ATAD2: variants seen among roughly 807,000 people sequenced by gnomAD.
ATAD2 encodes the protein ATPase family AAA domain-containing protein 2.
ATAD2 carries 62 observed loss-of-function variants against 168.9 expected under a neutral mutation model. That is an observed-to-expected ratio of 0.37 (90% CI 0.30 to 0.45). The LOEUF is 0.45. Ranked by LOEUF, ATAD2 falls within the 20% of genes least tolerant of loss-of-function variation. ATAD2 has a pLI of 1.00. For synonymous variants in ATAD2, 613 were observed against 571.6 expected (o/e 1.07, Z -1.03); for missense variants, 1,419 against 1,667.8 (o/e 0.85, Z 2.60).
intron 1 of ATAD2, among the ~76,000 whole-genome samples, chr8:123,413,229 C>A (rs919414411): frequency 7.4e-5 from 11 of 147,652 alleles, no homozygotes; most frequent in East Asian, 4.1e-4. Context: ...TGAGCGCCCC[C>A]CCCCCCCCAA....
intron 13 of ATAD2, among the ~76,000 whole-genome samples, chr8:123,355,215 T>A (rs1179362629): frequency 1.3e-5 from 2 of 152,160 alleles, no homozygotes; most frequent in African/African-American, 4.8e-5. Context: ...GCCATTAGAA[T>A]ATAGCAAATC....
At chr8:123,329,978 CTTCTTTTTT>C (rs1371790436) in intron 24 of ATAD2, among the ~76,000 whole-genome samples, 5 of 93,376 alleles carry the variant, frequency 5.4e-5, no homozygotes, top group Non-Finnish European at 7.8e-5. Flanking sequence ...TCCCCAGTGG[CTTCTTTTTT>C]TTTTTTTTTT....
intron 20 of ATAD2, 147 bp downstream of exon 20, chr8:123,339,164 G>GA: frequency 2.9e-6 from 2 of 691,042 alleles, no homozygotes; most frequent in South Asian, 4.6e-5. Flanking sequence ...GTTTTAATGG[G>GA]AAGCATAGAG....
At chr8:123,333,540 G>A (rs1827836632) in intron 24 of ATAD2, among the ~76,000 whole-genome samples, 1 of 152,024 alleles carries the variant, frequency 6.6e-6, no homozygotes, top group African/African-American at 2.4e-5. Flanking sequence ...ATTGGAATTA[G>A]AAGTCTGCCA....
intron 1 of ATAD2, chr8:123,401,768 T>TTC (rs1318662604): frequency 4.0e-6 from 3 of 749,478 alleles, no homozygotes; most frequent in East Asian, 4.9e-5. Context: ...CAGCGAATAG[T>TTC]TCTCAGATGG....
intron 24 of ATAD2, among the ~76,000 whole-genome samples, chr8:123,333,231 C>CAAAAAAAAAAAAAAAAAA: frequency 2.3e-5 from 1 of 43,992 alleles, no homozygotes; most frequent in Non-Finnish European, 3.7e-5. Context: ...TCTAAAAATA[C>CAAAAAAAAAAAAAAAAAA]AAAAAAAAAA....
In ATAD2 at chr8:123,328,414, G is replaced by T. The variant is rs1407773322; in HGVS notation, c.3644C>A (p.Thr1215Asn). 3.9e-6 allele frequency: 6 copies of T among 1,538,984 alleles called. No individual in the cohort carries two copies. In the South Asian group the frequency reaches 5.1e-5, roughly 13 times the overall value. ...TQDTSVDHNE[T>N]GNTGESSVEE... is the part of the protein sequence containing the mutation. Reference sequence around the variant, plus strand: ...CACCGAAGACTCTCCTGTGTTTCCGGTCTCATTATGATCTACACTTGTGTC... The same window carrying T: ...CACCGAAGACTCTCCTGTGTTTCCGTTCTCATTATGATCTACACTTGTGTC... Residue 1215 changes from threonine (T) to asparagine (N), a missense_variant, in exon 25 of 28, where the codon ACC becomes AAC. Around this residue, in one of 5 missense-constraint regions of ATAD2, gnomAD observed 303 missense variants for 304.3 expected, o/e 1.00. Transcript: ENST00000287394.
chr8:123,373,788 C>A (rs1369545328), intron 2 of ATAD2, among the ~76,000 whole-genome samples: 92 of 72,808 alleles, frequency 1.3e-3, no homozygotes, highest in African/African-American at 2.5e-3. Context: ...CACCTCGCCT[C>A]AAAAAAAAAA....
rs758210675 is a variant in ATAD2, at chr8:123,339,334, G to A, written c.2831C>T (p.Pro944Leu). The A allele has an allele frequency of 5.7e-6, 9 of 1,586,894 alleles. No individual in the cohort carries two copies. The highest frequency in any genetic ancestry group is 2.3e-5 in the South Asian group (2 of 87,442). The change falls in exon 20 of 28, where the codon CCT (proline) becomes CTT (leucine). Residue 944 changes from proline (P) to leucine (L), a missense_variant. Pro to Leu is a moderately conservative substitution (Grantham distance 98). Transcript: ENST00000287394. ...ACCTGCTTTCTTTTTTGATATAGGAGGCTTAGCAGCTTGTTTTAGAATTAA... is the reference window on the plus strand; with the variant it reads ...ACCTGCTTTCTTTTTTGATATAGGAAGCTTAGCAGCTTGTTTTAGAATTAA... ...EDLILKQAAK[P>L]PISKKKAVLQ...
chr8:123,349,379 A>C lies in ATAD2; in HGVS notation c.1712T>G (p.Ile571Ser). The C allele has an allele frequency of 6.2e-7, 1 of 1,614,136 alleles. No homozygotes were observed. The highest frequency in any genetic ancestry group is 8.5e-7 in the Non-Finnish European group (1 of 1,179,994). ...AGAATCTAGCCTGTTCGTAGCACCA[A>C]TGACCACAATTTCCCCTCTGCTGTC... is the stretch of plus-strand genomic sequence containing the variant. ...GLDSRGEIVV[I>S]GATNRLDSID... The change falls in exon 14 of 28, where the codon ATT (isoleucine) becomes AGT (serine). Residue 571 changes from isoleucine (I) to serine (S), a missense_variant. Transcript: ENST00000287394.
In ATAD2 at chr8:123,380,561, C is replaced by T. The variant is rs751981978; in HGVS notation, c.288G>A (p.Thr96=). 9.3e-6 allele frequency: 15 copies of T among 1,613,972 alleles called. No homozygotes were observed. In the South Asian group the frequency reaches 1.3e-4, roughly 14 times the overall value. Residue 96 remains threonine, a synonymous_variant, in exon 2 of 28, where the codon ACG becomes ACA. Transcript: ENST00000287394. ...AATGCCTGCCATTAGCAAGTTGCTC[C>T]GTTATTTCCACATTCTTCTCAAAAC... The part of the protein sequence containing the change: ...DSSFEKNVEI[T]EQLANGRHFT...
At position 123,347,888 on chromosome 8, in the gene ATAD2, AATAAT is replaced by A. The variant is rs1054211428; in HGVS notation, c.1897+290_1897+294del. On this transcript the variant is annotated intron_variant, in intron 15 of 27. Coordinates refer to ENST00000287394, the MANE Select transcript of ATAD2 (RefSeq NM_014109.4). ...AATAGCTATTATCTTATTATGATATAATAATATATTGTATTTTGTACAATTATATT... is the reference window on the plus strand; with the variant it reads ...AATAGCTATTATCTTATTATGATATAATATTGTATTTTGTACAATTATATT... 2.2e-5 allele frequency: 7 copies of A among 313,360 alleles called. No individual in the cohort carries two copies. In the Admixed American group the frequency reaches 2.6e-4, roughly 11 times the overall value. The allele number at this position is 313,360 out of a possible 1,614,324, so 19.4% of individuals were successfully genotyped here. A position where few individuals can be genotyped will look rare whatever the true frequency, so the allele number is the denominator to read the frequency against.
rs1828285152 is a variant in ATAD2, at chr8:123,347,420, C to A, written c.1898-14G>T. ...CTCCACAGTATCCTATCCAAAGCAA[C>A]CAGGGGAAGAAAAGAACCAGCCGAC... On this transcript the variant is annotated splice_polypyrimidine_tract_variant and intron_variant, in intron 15 of 27. Coordinates refer to ENST00000287394, the MANE Select transcript of ATAD2 (RefSeq NM_014109.4). 1 of 1,559,688 alleles carries A rather than the reference C, an allele frequency of 6.4e-7. No individual in the cohort carries two copies. Among genetic ancestry groups the A allele is most frequent in the Non-Finnish European group, 8.7e-7 (1 of 1,152,236 alleles).
chr8:123,397,156 G>C (rs1236688537), upstream of ATAD2, among the ~76,000 whole-genome samples: 2 of 146,512 alleles, frequency 1.4e-5, no homozygotes, highest in African/African-American at 5.1e-5. Context: ...CAGGAGAATC[G>C]CTTGAAGCCG....
At position 123,320,504 on chromosome 8, in the gene ATAD2, T is replaced by C. The variant is rs1241573188; in HGVS notation, c.*630A>G. 1.3e-5 allele frequency: 2 copies of C among 152,086 alleles called. No homozygotes were observed. The highest frequency in any genetic ancestry group is 6.6e-5 in the Admixed American group (1 of 15,256). The allele number at this position is 152,086 out of a possible 1,614,324, so 9.4% of individuals were successfully genotyped here. A position where few individuals can be genotyped will look rare whatever the true frequency, so the allele number is the denominator to read the frequency against. ...ATAATTACAAAAGTAAACCAAGAAA[T>C]ATTTAAAATCTTTATTAACCCAAAT... On this transcript the variant is annotated 3_prime_UTR_variant, in exon 28 of 28. Transcript: ENST00000287394.
At chr8:123,382,043 CACAA>C (rs555533540) in intron 1 of ATAD2, among the ~76,000 whole-genome samples, 11 of 152,150 alleles carry the variant, frequency 7.2e-5, no homozygotes, top group East Asian at 3.9e-4. Context: ...AAGACTCCAT[CACAA>C]ACAAACAAAC....
intron 1 of ATAD2, among the ~76,000 whole-genome samples, chr8:123,393,700 TGA>T (rs1166618776): frequency 6.6e-6 from 1 of 152,106 alleles, no homozygotes; most frequent in East Asian, 1.9e-4. Context: ...GCCGATCACC[TGA>T]GACCGGGAGT....
Position 123,359,290 on chromosome 8 carries a change from A to G in ATAD2, c.1313T>C (p.Leu438Pro). The change falls in exon 11 of 28, where the codon CTA becomes CCA. Residue 438 changes from leucine (L) to proline (P), a missense_variant. By Grantham distance (98) the Leu-to-Pro change is moderately conservative. Coordinates refer to ENST00000287394, the MANE Select transcript of ATAD2 (RefSeq NM_014109.4). ...VGGLSNHIAALKEMVVFPLLY... is the reference protein window; with the variant it reads ...VGGLSNHIAAPKEMVVFPLLY... ...TAATGGAAACACCACCATCTCTTTTAGAGCTGCTATATGATTAGACAGGCC... is the reference window on the plus strand; with the variant it reads ...TAATGGAAACACCACCATCTCTTTTGGAGCTGCTATATGATTAGACAGGCC... 6.2e-7 allele frequency: 1 copy of G among 1,612,796 alleles called. No homozygotes were observed.
At chr8:123,326,171 G>A (rs748880709) in intron 25 of ATAD2, 145 bp from the exon 26 acceptor site, 67 of 839,652 alleles carry the variant, frequency 8.0e-5, no homozygotes, top group Admixed American at 4.9e-4. Context: ...TCTGTTATAA[G>A]ATTAAGATAC....
Sources: allele counts gnomAD v4.1 joint callset (sites outside exome capture counted in the v4.1 genomes callset), GRCh38; gene constraint gnomAD v4.1.1; regional missense constraint gnomAD v4.1.1; transcripts MANE v1.5; gene names NCBI Gene and HGNC (gene_info 2026-07-23, HGNC 2026-07-21).